RPSA: variants seen among roughly 807,000 people sequenced by gnomAD.
RPSA encodes the protein ribosomal protein SA.
For synonymous variants in RPSA, 103 were observed against 126.7 expected (o/e 0.81, Z 1.25); for missense variants, 140 against 372.8 (o/e 0.38, Z 5.14).
At chr3:39,407,381 C>T (rs1285637346) in intron 1 of RPSA, among the ~76,000 whole-genome samples, 3 of 152,100 alleles carry the variant, frequency 2.0e-5, no homozygotes. Context: ...TGTTGAATTT[C>T]CATTCGCTAA....
chr3:39,412,090 C>T, intron 6 of RPSA, 29 bp downstream of exon 6: 1 of 1,605,218 alleles, frequency 6.2e-7, no homozygotes. Context: ...GTGAATCAAG[C>T]TGATATTTTG....
chr3:39,408,426 T>C (rs1354733652), intron 2 of RPSA, 180 bp from the exon 3 acceptor site: 1 of 767,980 alleles, frequency 1.3e-6, no homozygotes, highest in Non-Finnish European at 2.4e-6. Flanking sequence ...AGGCCAGTCT[T>C]GGCTCATGAA....
At position 39,407,641 on chromosome 3, in the gene RPSA, G is replaced by A. The variant is rs1204361072; in HGVS notation, c.-13G>A. ...TTCAGATTCCCGTCGTAACTTAAAG[G>A]GAAATTTTCACAATGTCCGGAGCCC... is the stretch of plus-strand genomic sequence containing the variant. On this transcript the variant is annotated 5_prime_UTR_variant, in exon 2 of 7. Coordinates refer to ENST00000301821, the MANE Select transcript of RPSA (RefSeq NM_002295.6). 1 of 1,594,122 alleles carries A rather than the reference G, an allele frequency of 6.3e-7. No individual in the cohort carries two copies. The highest frequency in any genetic ancestry group is 1.7e-5 in the Admixed American group (1 of 60,010).
chr3:39,406,850 A>G (rs1452796922), intron 1 of RPSA, 86 bp downstream of exon 1: 16 of 456,222 alleles, frequency 3.5e-5, no homozygotes, highest in Non-Finnish European at 4.0e-5. Flanking sequence ...AAGACTAGTG[A>G]TGAAAGCCGG....
chr3:39,411,581 G>A, intron 4 of RPSA, 68 bp from the exon 5 acceptor site: 1 of 1,569,456 alleles, frequency 6.4e-7, no homozygotes, highest in Non-Finnish European at 8.7e-7. Context: ...TGATGTAAGA[G>A]CCAGGAAGGT....
At chr3:39,411,625 TTAA>T (rs771594838) in intron 4 of RPSA, 21 bp from the exon 5 acceptor site, 36 of 1,609,674 alleles carry the variant, frequency 2.2e-5, no homozygotes, top group Admixed American at 1.2e-4. Flanking sequence ...GTGTCACTTT[TTAA>T]TAATCTGCCA....
At chr3:39,410,209 G>A (rs1323557990) in intron 3 of RPSA, 1 of 154,780 alleles carries the variant, frequency 6.5e-6, no homozygotes, top group Non-Finnish European at 1.4e-5. Context: ...AATCTTTTTT[G>A]CCACAGCTCT....
chr3:39,412,092 G>A, intron 6 of RPSA, 31 bp downstream of exon 6: 2 of 1,603,104 alleles, frequency 1.2e-6, no homozygotes, highest in Non-Finnish European at 1.7e-6. Flanking sequence ...GAATCAAGCT[G>A]ATATTTTGCA....
chr3:39,409,188 T>TC (rs1288071154), intron 3 of RPSA, among the ~76,000 whole-genome samples: 1 of 60,796 alleles, frequency 1.6e-5, no homozygotes, highest in East Asian at 5.4e-4. Context: ...ACCTTCCTTT[T>TC]TTTTTTTTTT....
intron 5 of RPSA, 34 bp from the exon 6 acceptor site, chr3:39,411,862 T>TGTAA (rs768382306): frequency 1.3e-6 from 2 of 1,599,550 alleles, no homozygotes; most frequent in Admixed American, 3.3e-5. Context: ...TGTCAGTCCC[T>TGTAA]GTAAGTCTTT....
intron 2 of RPSA, 55 bp downstream of exon 2, chr3:39,407,841 T>A: frequency 6.8e-7 from 1 of 1,480,368 alleles, no homozygotes; most frequent in Non-Finnish European, 9.3e-7. Flanking sequence ...AATTTTGAGC[T>A]TGCTATTCTC....
chr3:39,410,578 T>C (rs1030391984), intron 3 of RPSA, 176 bp from the exon 4 acceptor site: 3 of 703,376 alleles, frequency 4.3e-6, no homozygotes, highest in Admixed American at 4.9e-5. Context: ...AGCCTGTCTT[T>C]TTTAATGTAT....
chr3:39,411,399 C>G (rs2042003705), intron 4 of RPSA: 1 of 566,244 alleles, frequency 1.8e-6, no homozygotes, highest in Admixed American at 3.0e-5. Flanking sequence ...ATTTGTAACC[C>G]TAGTTGTGCA....
intron 2 of RPSA, chr3:39,408,031 A>G (rs1298142654): frequency 4.2e-6 from 2 of 478,644 alleles, no homozygotes; most frequent in Non-Finnish European, 7.6e-6. Context: ...GAGAAAGTTC[A>G]TTGGCTGAGT....
rs372588103 is a variant in RPSA, at chr3:39,411,051, T to G, written c.498+52T>G. On this transcript the variant is annotated intron_variant, in intron 4 of 6. Coordinates refer to ENST00000301821, the MANE Select transcript of RPSA (RefSeq NM_002295.6). The stretch of plus-strand genomic sequence containing the variant: ...TGAATGCGTGCTCTAGAAAAAACAT[T>G]CCTGTGCACATTGTTAGAGCTTGGA... 3.8e-6 allele frequency: 6 copies of G among 1,590,812 alleles called. No homozygotes were observed. The African/African-American group carries it at 5.3e-5, about 14-fold the overall frequency.
chr3:39,408,887 A>T, intron 3 of RPSA, 163 bp downstream of exon 3: 1 of 565,316 alleles, frequency 1.8e-6, no homozygotes, highest in South Asian at 2.2e-5. Context: ...TTACGAGGTC[A>T]GGAGATCCAC....
intron 1 of RPSA, 197 bp downstream of exon 1, chr3:39,406,961 G>A (rs1445730171): frequency 2.2e-6 from 1 of 452,350 alleles, no homozygotes; most frequent in Middle Eastern, 3.3e-4. Context: ...CCCCGGGAGC[G>A]GGTGGAGGCC....
At chr3:39,408,909 G>C in intron 3 of RPSA, 185 bp downstream of exon 3, 1 of 551,192 alleles carries the variant, frequency 1.8e-6, no homozygotes, top group Non-Finnish European at 3.3e-6. Flanking sequence ...CCACGGTGAA[G>C]CCCCATCTCT....
In RPSA at chr3:39,411,759, C is replaced by T. The variant is rs761691530; in HGVS notation, c.609C>T (p.Phe203=). The change falls in exon 5 of 7, where the codon TTC becomes TTT. Residue 203 remains phenylalanine (F), a synonymous_variant. Transcript: ENST00000301821. ...HPWEVMPDLY[F]YRDPEEIEKE... ...GGGAGGTCATGCCTGATCTGTACTT[C>T]TACAGAGATCCTGAAGAGGTAAGCT... is the stretch of plus-strand genomic sequence containing the variant. 35 of 1,599,704 alleles carry T rather than the reference C, an allele frequency of 2.2e-5. No individual in the cohort carries two copies. The highest frequency in any genetic ancestry group is 2.7e-5 in the Non-Finnish European group (32 of 1,179,936).
Sources: allele counts gnomAD v4.1 joint callset (sites outside exome capture counted in the v4.1 genomes callset), GRCh38; gene constraint gnomAD v4.1.1; transcripts MANE v1.5; gene names NCBI Gene and HGNC (gene_info 2026-07-23, HGNC 2026-07-21).